Variants in DYM observed in about 807,000 individuals in gnomAD.
DYM encodes dyggve-Melchior-Clausen syndrome protein.
A neutral mutation model predicts 93.1 loss-of-function variants in DYM; 78 were observed. That is an observed-to-expected ratio of 0.84 (90% CI 0.70 to 1.01). The LOEUF is 1.01. Ranked by LOEUF, DYM falls within the 50% of genes least tolerant of loss-of-function variation. DYM has a pLI of 0.00. For missense variants in DYM, 789 were observed against 845.0 expected, an observed-to-expected ratio of 0.93 and a Z score of 0.82; for synonymous variants, 321 against 319.7, an observed-to-expected ratio of 1.00 and a Z score of -0.04.
At chr18:49,078,393 ATAT>A (rs1568382190) in intron 17 of DYM, among the ~76,000 whole-genome samples, 3 of 151,128 alleles carry the variant, frequency 2.0e-5, no homozygotes, top group Non-Finnish European at 4.4e-5. Flanking sequence ...AAATTAAAAT[ATAT>A]ATATATATAT....
At chr18:49,124,544 C>T (rs989756678) in intron 15 of DYM, among the ~76,000 whole-genome samples, 1 of 151,344 alleles carries the variant, frequency 6.6e-6, no homozygotes, top group Non-Finnish European at 1.5e-5. Flanking sequence ...TATTAATAAG[C>T]ATGTTCTACA....
chr18:49,156,302 A>G (rs1274434145), intron 15 of DYM, among the ~76,000 whole-genome samples: 6 of 152,166 alleles, frequency 3.9e-5, no homozygotes, highest in African/African-American at 1.4e-4. Context: ...CCGTGAGAGG[A>G]TCCAGGGATC....
intron 17 of DYM, among the ~76,000 whole-genome samples, chr18:49,067,985 C>T (rs571690865): frequency 6.6e-6 from 1 of 152,172 alleles, no homozygotes; most frequent in South Asian, 2.1e-4. Context: ...GAGGATAGGT[C>T]AATGAAAGAG....
intron 15 of DYM, among the ~76,000 whole-genome samples, chr18:49,143,274 T>G (rs755630497): frequency 6.6e-6 from 1 of 152,190 alleles, no homozygotes; most frequent in Admixed American, 6.5e-5. Flanking sequence ...CTGTCTGACT[T>G]GCAGTGTAAG....
At chr18:49,378,110 G>A (rs188165903) in intron 5 of DYM, among the ~76,000 whole-genome samples, 3 of 152,298 alleles carry the variant, frequency 2.0e-5, no homozygotes, top group Admixed American at 2.0e-4. Context: ...CTGATAAAGT[G>A]TCGTAGTCCC....
At chr18:49,296,583 A>G (rs1438165764) in intron 8 of DYM, among the ~76,000 whole-genome samples, 5 of 152,094 alleles carry the variant, frequency 3.3e-5, no homozygotes, top group Admixed American at 6.6e-5. Flanking sequence ...AAAGTTACCT[A>G]AATGTCATGA....
At chr18:49,451,732 C>T (rs1258111205) in intron 1 of DYM, among the ~76,000 whole-genome samples, 5 of 152,214 alleles carry the variant, frequency 3.3e-5, no homozygotes, top group East Asian at 1.9e-4. Flanking sequence ...ACAAACAACA[C>T]GGTCCTATCA....
intron 15 of DYM, among the ~76,000 whole-genome samples, chr18:49,134,693 G>C (rs577564742): frequency 3.9e-5 from 6 of 152,298 alleles, no homozygotes; most frequent in African/African-American, 1.4e-4. Context: ...ATGACATGTA[G>C]CATTGTCTTA....
At chr18:49,135,896 G>A (rs2083799946) in intron 15 of DYM, among the ~76,000 whole-genome samples, 2 of 152,246 alleles carry the variant, frequency 1.3e-5, no homozygotes, top group Admixed American at 1.3e-4. Context: ...ACCCTGACTG[G>A]AGACAGCCTG....
intron 15 of DYM, among the ~76,000 whole-genome samples, chr18:49,152,100 C>A (rs1465221063): frequency 6.6e-6 from 1 of 152,042 alleles, no homozygotes; most frequent in Non-Finnish European, 1.5e-5. Context: ...TTAATCATTG[C>A]CAGATTTCAA....
At chr18:49,189,568 C>T (rs776823702) in intron 14 of DYM, among the ~76,000 whole-genome samples, 73 of 152,108 alleles carry the variant, frequency 4.8e-4, no homozygotes, top group Admixed American at 2.0e-4. Flanking sequence ...AAAAAAGTAA[C>T]AGAAAAATAA....
At chr18:49,161,117 G>C (rs1210880182) in intron 15 of DYM, among the ~76,000 whole-genome samples, 1 of 150,578 alleles carries the variant, frequency 6.6e-6, no homozygotes, top group Non-Finnish European at 1.5e-5. Context: ...GTCAATGACA[G>C]ATTCCAAATG....
intron 17 of DYM, among the ~76,000 whole-genome samples, chr18:49,092,735 G>T (rs2079161114): frequency 1.3e-5 from 2 of 152,184 alleles, no homozygotes; most frequent in East Asian, 3.9e-4. Context: ...GGACAGGTGG[G>T]TGCATACATC....
chr18:49,353,790 TAGAA>T (rs1463108618), intron 6 of DYM, among the ~76,000 whole-genome samples: 3 of 151,932 alleles, frequency 2.0e-5, no homozygotes, highest in African/African-American at 4.8e-5. Context: ...ACTAAATAAA[TAGAA>T]AGATATTCTA....
At chr18:49,442,368 CATTT>C (rs1049324908) in intron 1 of DYM, among the ~76,000 whole-genome samples, 46 of 144,188 alleles carry the variant, frequency 3.2e-4, no homozygotes, top group African/African-American at 1.2e-3. Flanking sequence ...AACACAGAGA[CATTT>C]TTAATGCCTC....
At position 49,393,123 on chromosome 18, in the gene DYM, A is replaced by G. The variant is rs1314594639; in HGVS notation, c.141-1478T>C. On this transcript the variant is annotated intron_variant, in intron 2 of 17. Coordinates refer to ENST00000675505, the MANE Select transcript of DYM (RefSeq NM_001353214.3). ...AAGGAAGGAAGGAAGGAAGGAAGGA[A>G]GGAAGGAAGGAAGGAAGGAAGGAAG... is the stretch of plus-strand genomic sequence containing the variant. 1.4e-4 allele frequency among the ~76,000 whole-genome samples: 16 copies of G among 113,966 alleles called. 1 individual carries two copies. The highest frequency in any genetic ancestry group is 9.2e-4 in the Admixed American group (11 of 12,006). The allele number at this position is 113,966 out of a possible 152,430, so 74.8% of individuals were successfully genotyped here.
chr18:49,310,513 T>C (rs2061526683), intron 8 of DYM, among the ~76,000 whole-genome samples: 1 of 152,194 alleles, frequency 6.6e-6, no homozygotes, highest in South Asian at 2.1e-4. Flanking sequence ...TGAAAGAGTG[T>C]ATATGTATGT....
In DYM at chr18:49,036,439, CAT is replaced by C. The variant is rs1378617802; in HGVS notation, c.*7614_*7615del. ...GGCATACTTAATATATAAAACTGCACATATGTAATAAAGTGTACAATTTGATT... is the reference window on the plus strand; with the variant it reads ...GGCATACTTAATATATAAAACTGCACATGTAATAAAGTGTACAATTTGATT... On this transcript the variant is annotated 3_prime_UTR_variant, in exon 18 of 18. Transcript: ENST00000675505. 6.6e-6 allele frequency among the ~76,000 whole-genome samples: 1 copy of C among 151,490 alleles called. No individual in the cohort carries two copies. Among genetic ancestry groups the C allele is most frequent in the Non-Finnish European group, 1.5e-5 (1 of 67,972 alleles).
At chr18:49,295,545 A>C (rs1447436446) in intron 8 of DYM, among the ~76,000 whole-genome samples, 1 of 152,190 alleles carries the variant, frequency 6.6e-6, no homozygotes, top group Admixed American at 6.5e-5. Flanking sequence ...AGGACACTGC[A>C]GGAGGAATGG....
Sources: gnomAD v4.1 joint callset for allele counts (sites outside exome capture counted in the v4.1 genomes callset) on GRCh38, gnomAD v4.1.1 for gene constraint, MANE v1.5 for transcripts, NCBI Gene and HGNC (gene_info 2026-07-23, HGNC 2026-07-21) for gene names.